The following TLE6 variants were observed in gnomAD, a reference collection of about 807,000 sequenced individuals.
TLE6 encodes the protein transducin-like enhancer protein 6.
A neutral mutation model predicts 77.1 loss-of-function variants in TLE6; 72 were observed. The ratio of observed to expected loss-of-function variants is 0.93; its 90% CI spans 0.77 to 1.14. The LOEUF (loss-of-function observed/expected upper bound fraction) is 1.14, where lower values mean the gene tolerates loss of function less well. TLE6 is among the 50% of genes most tolerant of loss of function. The probability of loss-of-function intolerance (pLI) is 0.00; values close to 1 mark genes in which losing one functional copy is unlikely to be tolerated. For synonymous variants in TLE6, 366 were observed against 287.3 expected (o/e 1.27, Z -2.77); for missense variants, 843 against 747.6 (o/e 1.13, Z -1.49).
At position 2,991,994 on chromosome 19, in the gene TLE6, C is replaced by A; in HGVS notation, c.1386+10C>A. On this transcript the variant is annotated intron_variant, in intron 14 of 16. Transcript: ENST00000246112. ...CCAATTCAAGTCTCAGGTGCGGAGG[C>A]CGGGATGGGGTCTGCTTGGCCAGGC... 1 of 1,612,480 alleles carries A rather than the reference C, an allele frequency of 6.2e-7. No individual in the cohort carries two copies. Among genetic ancestry groups the A allele is most frequent in the Non-Finnish European group, 8.5e-7 (1 of 1,179,434 alleles).
At chr19:2,991,751 C>T in intron 13 of TLE6, 92 bp from the exon 14 acceptor site, 2 of 1,298,776 alleles carry the variant, frequency 1.5e-6, no homozygotes, top group Non-Finnish European at 2.2e-6. Flanking sequence ...GTGGCACTGT[C>T]CCTTTCATGC....
chr19:2,992,997 T>C (rs1205465016), intron 14 of TLE6, among the ~76,000 whole-genome samples: 10 of 123,914 alleles, frequency 8.1e-5, no homozygotes, highest in African/African-American at 3.2e-4. Flanking sequence ...AAGAACAGCC[T>C]GACCAACATG....
intron 5 of TLE6, among the ~76,000 whole-genome samples, chr19:2,983,325 T>G (rs1256020471): frequency 1.3e-5 from 2 of 149,428 alleles, no homozygotes; most frequent in Admixed American, 6.7e-5. Context: ...GTAGATGGAG[T>G]GTTAGGGGAT....
In TLE6 at chr19:2,987,111, G is replaced by A; in HGVS notation, c.414G>A (p.Glu138=). 2 of 1,614,138 alleles carry A rather than the reference G, an allele frequency of 1.2e-6. No individual in the cohort carries two copies. Among genetic ancestry groups the A allele is most frequent in the Non-Finnish European group, 1.7e-6 (2 of 1,180,028 alleles). ...SSDWLRRPLG[E]DNQPETQLFW... Reference sequence around the variant, plus strand: ...ACTGGCTCCGGCGGCCTTTGGGGGAGGACAATCAGCCGGAGACCCAGCTGT... The same window carrying A: ...ACTGGCTCCGGCGGCCTTTGGGGGAAGACAATCAGCCGGAGACCCAGCTGT... The change falls in exon 7 of 17, where the codon GAG becomes GAA. Residue 138 remains glutamate (E), a synonymous_variant. Coordinates refer to ENST00000246112, the MANE Select transcript of TLE6 (RefSeq NM_001143986.2).
rs755712238 is a variant in TLE6, at chr19:2,994,108, G to GC, written c.1614+14dup. 2 of 1,498,210 alleles carry GC rather than the reference G, an allele frequency of 1.3e-6. No individual in the cohort carries two copies. The highest frequency in any genetic ancestry group is 5.1e-5 in the East Asian group (2 of 39,216). The allele number at this position is 1,498,210 out of a possible 1,614,324, so 92.8% of individuals were successfully genotyped here. On this transcript the variant is annotated intron_variant, in intron 16 of 16. Coordinates refer to ENST00000246112, the MANE Select transcript of TLE6 (RefSeq NM_001143986.2). ...AAAAGTGTTCGAGGTACTGCGGTGG[G>GC]CTGGGGGCAGGACCCGGGGGTGGCC...
chr19:2,988,453 C>T (rs923197895), intron 11 of TLE6, among the ~76,000 whole-genome samples: 1 of 152,086 alleles, frequency 6.6e-6, no homozygotes, highest in African/African-American at 2.4e-5. Context: ...AAAAAATTAG[C>T]CAGGCGTGGT....
chr19:2,985,438 G>T (rs1599157406), intron 5 of TLE6, among the ~76,000 whole-genome samples: 3 of 118,674 alleles, frequency 2.5e-5, no homozygotes, highest in East Asian at 2.4e-4. Flanking sequence ...GTCTCGCTCT[G>T]TCACCCAGGC....
rs1259556948 is a variant in TLE6 at position 2,995,111 on chromosome 19, G to A, written c.*107G>A. 8 of 704,688 alleles carry A rather than the reference G, an allele frequency of 1.1e-5. No homozygotes were observed. Among genetic ancestry groups the A allele is most frequent in the Admixed American group, 2.3e-5 (1 of 43,352 alleles). 43.7% of individuals were successfully genotyped at this position (704,688 alleles called of 1,614,324 possible). A position where few individuals can be genotyped will look rare whatever the true frequency, so the allele number is the denominator to read the frequency against. ...AGGGAAGCGGGAAGGCTCTTCTGTG[G>A]CATCGCACGATCTAGTCTGTGGTGT... On this transcript the variant is annotated 3_prime_UTR_variant, in exon 17 of 17. Transcript: ENST00000246112.
At chr19:2,992,486 G>C (rs2089091975) in intron 14 of TLE6, among the ~76,000 whole-genome samples, 1 of 151,646 alleles carries the variant, frequency 6.6e-6, no homozygotes, top group Non-Finnish European at 1.5e-5. Context: ...AACAAATGAG[G>C]TTGGCCAGGC....
chr19:2,982,275 A>T (rs2088813501), intron 5 of TLE6, 86 bp downstream of exon 5: 1 of 1,448,184 alleles, frequency 6.9e-7, no homozygotes, highest in Non-Finnish European at 9.5e-7. Context: ...CAGTGGCTCA[A>T]ACCTGTAATC....
rs1208961174 is a variant in TLE6, at chr19:2,987,239, G to A, written c.541+1G>A. The A allele has an allele frequency of 2.5e-6, 4 of 1,614,068 alleles. No individual in the cohort carries two copies. In the African/African-American group the frequency reaches 4.0e-5, roughly 16 times the overall value. On this transcript the variant is annotated splice_donor_variant, in intron 7 of 16. Coordinates refer to ENST00000246112, the MANE Select transcript of TLE6 (RefSeq NM_001143986.2). LOFTEE classifies it high-confidence loss of function. The stretch of plus-strand genomic sequence containing the variant: ...GAGAAGGCAAAGCCCAGAGACAGAC[G>A]TGAGTGTCCCTGAGGGTGAGGGGGA...
chr19:2,982,553 A>AAG (rs2088820616), intron 5 of TLE6, among the ~76,000 whole-genome samples: 1 of 150,986 alleles, frequency 6.6e-6, no homozygotes, highest in Admixed American at 6.6e-5. Context: ...AAAAAAAAAA[A>AAG]AAAAGGAGGT....
intron 5 of TLE6, among the ~76,000 whole-genome samples, chr19:2,985,550 A>G (rs1052385336): frequency 2.0e-5 from 3 of 147,198 alleles, no homozygotes; most frequent in African/African-American, 7.5e-5. Context: ...CTGGGACTAC[A>G]GGCACCTGCC....
intron 5 of TLE6, among the ~76,000 whole-genome samples, chr19:2,983,246 T>C (rs965834357): frequency 6.6e-6 from 1 of 152,102 alleles, no homozygotes; most frequent in African/African-American, 2.4e-5. Context: ...TGCCAAATAC[T>C]GTTGTAGAAG....
chr19:2,993,460 A>G lies in TLE6; in HGVS notation c.1415A>G (p.Glu472Gly), dbSNP rs761252171. ...QIMSLSHSPQ[E>G]DWVLLGMANG... ...ATGAGCCTGTCCCACAGCCCCCAGG[A>G]GGACTGGGTGCTGCTGGGCATGGCC... Residue 472 changes from glutamate (E) to glycine (G), a missense_variant, in exon 15 of 17, where the codon GAG (glutamate) becomes GGG (glycine). Physicochemically the swap from Glu to Gly is moderately conservative, Grantham distance 98. Transcript: ENST00000246112. 1.2e-6 allele frequency: 2 copies of G among 1,603,324 alleles called. No individual in the cohort carries two copies. Among genetic ancestry groups the G allele is most frequent in the South Asian group, 2.2e-5 (2 of 90,718 alleles).
intron 13 of TLE6, among the ~76,000 whole-genome samples, chr19:2,990,560 G>T (rs1430128276): frequency 6.7e-6 from 1 of 149,720 alleles, no homozygotes; most frequent in African/African-American, 2.4e-5. Flanking sequence ...GCCGAGATCT[G>T]TGCCACTGCG....
chr19:2,982,112 C>A, intron 4 of TLE6, 36 bp from the exon 5 acceptor site: 1 of 1,551,248 alleles, frequency 6.4e-7, no homozygotes, highest in Non-Finnish European at 8.7e-7. Context: ...CACACCCGGA[C>A]CACCTCCCGA....
At chr19:2,981,658 G>A (rs956376371) in intron 4 of TLE6, 75 bp downstream of exon 4, 2 of 1,462,970 alleles carry the variant, frequency 1.4e-6, no homozygotes, top group Admixed American at 3.9e-5. Context: ...TCCCGGCCCT[G>A]CCTCCTGAGT....
At position 2,994,128 on chromosome 19, in the gene TLE6, G is replaced by A. The variant is rs1359400528; in HGVS notation, c.1614+33G>A. On this transcript the variant is annotated intron_variant, in intron 16 of 16. Transcript: ENST00000246112. ...GGTGGGCTGGGGGCAGGACCCGGGGGTGGCCCCAAAGGGACCAGCCTGGGC... is the reference window on the plus strand; with the variant it reads ...GGTGGGCTGGGGGCAGGACCCGGGGATGGCCCCAAAGGGACCAGCCTGGGC... The A allele has an allele frequency of 2.4e-5, 37 of 1,570,650 alleles. 1 individual carries two copies. In the African/African-American group the frequency reaches 2.7e-4, roughly 11 times the overall value.
Sources: allele counts gnomAD v4.1 joint callset (sites outside exome capture counted in the v4.1 genomes callset), GRCh38; gene constraint gnomAD v4.1.1; transcripts MANE v1.5; gene names NCBI Gene and HGNC (gene_info 2026-07-23, HGNC 2026-07-21).